CACNA2D3: variants seen among roughly 807,000 people sequenced by gnomAD.
CACNA2D3 encodes voltage-dependent calcium channel subunit alpha-2/delta-3.
A neutral mutation model predicts 160.6 loss-of-function variants in CACNA2D3; 60 were observed. The observed-to-expected ratio is 0.37, with a 90% CI of 0.30 to 0.46. The LOEUF is 0.46. Ranked by LOEUF, CACNA2D3 falls within the 20% of genes least tolerant of loss-of-function variation. The probability of loss-of-function intolerance (pLI) is 1.00; values close to 1 mark genes in which losing one functional copy is unlikely to be tolerated. For missense variants in CACNA2D3, 1,205 were observed against 1,365.0 expected (o/e 0.88, Z 1.85); for synonymous variants, 558 against 492.9 (o/e 1.13, Z -1.75).
chr3:54,167,934 T>G (rs1468861894), intron 2 of CACNA2D3, among the ~76,000 whole-genome samples: 3 of 152,232 alleles, frequency 2.0e-5, no homozygotes, highest in Non-Finnish European at 4.4e-5. Flanking sequence ...GCTTTTGCTT[T>G]TCTTCTCCAT....
intron 17 of CACNA2D3, among the ~76,000 whole-genome samples, chr3:54,865,001 G>C: frequency 6.6e-6 from 1 of 152,230 alleles, no homozygotes; most frequent in East Asian, 1.9e-4. Context: ...CCTGGCACCA[G>C]AAACATTCAC....
intron 35 of CACNA2D3, among the ~76,000 whole-genome samples, chr3:55,037,291 A>G (rs1215106297): frequency 6.6e-6 from 1 of 152,188 alleles, no homozygotes; most frequent in Non-Finnish European, 1.5e-5. Flanking sequence ...CGATTAGGAG[A>G]TGTGGTTAAA....
chr3:55,067,967 C>G (rs1704702481), intron 35 of CACNA2D3, among the ~76,000 whole-genome samples: 1 of 152,156 alleles, frequency 6.6e-6, no homozygotes, highest in African/African-American at 2.4e-5. Flanking sequence ...GATCTCCCTC[C>G]CTGTAACCTG....
In CACNA2D3 at chr3:54,420,612, A is replaced by G. The variant is rs531796826; in HGVS notation, c.381+33838A>G. ...CTCAGATTCACAAGGTGTGCCTTAC[A>G]CTTTAGACTGTTAGGCAGCATTTGG... On this transcript the variant is annotated intron_variant, in intron 4 of 37. Coordinates refer to ENST00000474759, the MANE Select transcript of CACNA2D3 (RefSeq NM_018398.3). Among the ~76,000 whole-genome samples, 10 of 152,276 alleles carry G rather than the reference A, an allele frequency of 6.6e-5. No homozygotes were observed. In the South Asian group the frequency reaches 1.9e-3, roughly 28 times the overall value.
rs117549248 is a variant in CACNA2D3 at position 54,386,982 on chromosome 3, C to T, written c.381+208C>T. ...GTTATAATGGGTGATGTCAAACACT[C>T]ACATGTGTGTAATCAGATTTCAATA... On this transcript the variant is annotated intron_variant, in intron 4 of 37. Coordinates refer to ENST00000474759, the MANE Select transcript of CACNA2D3 (RefSeq NM_018398.3). Among the ~76,000 whole-genome samples, 57 of 152,306 alleles carry T rather than the reference C, an allele frequency of 3.7e-4. No homozygotes were observed. The East Asian group carries it at 8.3e-3, about 22-fold the overall frequency.
chr3:54,255,795 G>A (rs1414807737), intron 2 of CACNA2D3, among the ~76,000 whole-genome samples: 6 of 151,992 alleles, frequency 3.9e-5, no homozygotes, highest in African/African-American at 7.3e-5. Context: ...CTACTGCCAC[G>A]TACTCTGGGA....
intron 24 of CACNA2D3, among the ~76,000 whole-genome samples, chr3:54,889,733 T>C (rs189284846): frequency 6.6e-6 from 1 of 152,262 alleles, no homozygotes; most frequent in Non-Finnish European, 1.5e-5. Flanking sequence ...ATTAGGGGTG[T>C]CTTTGAACTG....
At chr3:54,854,653 C>A (rs997423434) in intron 17 of CACNA2D3, among the ~76,000 whole-genome samples, 3 of 152,134 alleles carry the variant, frequency 2.0e-5, no homozygotes. Context: ...TGCTGAGAGC[C>A]CTGGGTGCCT....
chr3:54,620,971 G>A (rs1269977926), intron 9 of CACNA2D3, among the ~76,000 whole-genome samples: 1 of 152,238 alleles, frequency 6.6e-6, no homozygotes, highest in Admixed American at 6.5e-5. Context: ...TTGGTGACGT[G>A]ACTTCTGAAG....
intron 27 of CACNA2D3, among the ~76,000 whole-genome samples, chr3:54,919,909 T>G (rs1700786510): frequency 6.6e-6 from 1 of 152,196 alleles, no homozygotes; most frequent in Admixed American, 6.5e-5. Flanking sequence ...CTACACTCGC[T>G]GCCTCGCCAC....
intron 14 of CACNA2D3, 28 bp from the exon 15 acceptor site, chr3:54,837,131 C>T (rs377280494): frequency 3.2e-5 from 52 of 1,608,990 alleles, no homozygotes; most frequent in African/African-American, 3.1e-4. Context: ...GACCGTTCCC[C>T]GGTAACTGGC....
intron 10 of CACNA2D3, among the ~76,000 whole-genome samples, chr3:54,640,952 G>A: frequency 6.6e-6 from 1 of 151,930 alleles, no homozygotes; most frequent in East Asian, 1.9e-4. Flanking sequence ...CATACCTGAA[G>A]GTAAGAGAGG....
rs151296286 is a variant in CACNA2D3 at position 55,008,593 on chromosome 3, CCT to C, written c.2819+752_2819+753del. ...TCACTGTCCTCTTAACTTAATGTAA[CCT>C]ATATTAATTTAATAAAGTTTGTGAA... On this transcript the variant is annotated intron_variant, in intron 33 of 37. Coordinates refer to ENST00000474759, the MANE Select transcript of CACNA2D3 (RefSeq NM_018398.3). Among the ~76,000 whole-genome samples the C allele has an allele frequency of 7.4e-3, 1,125 of 152,018 alleles. 13 individuals carry two copies. The highest frequency in any genetic ancestry group is 0.026 in the African/African-American group (1,079 of 41,448).
chr3:54,379,138 G>C (rs922617618), intron 3 of CACNA2D3, among the ~76,000 whole-genome samples: 32 of 152,134 alleles, frequency 2.1e-4, no homozygotes, highest in Admixed American at 2.1e-3. Flanking sequence ...TGCACGATGT[G>C]TTTTCTCTAT....
In CACNA2D3 at chr3:54,416,958, G is replaced by A. The variant is rs75921386; in HGVS notation, c.381+30184G>A. On this transcript the variant is annotated intron_variant, in intron 4 of 37. Transcript: ENST00000474759. ...AACTCAAGTTGCCACTGTCAGGCAG[G>A]TGTCCACCCGTCTCCACAGTCCCAT... 3.2e-3 allele frequency among the ~76,000 whole-genome samples: 494 copies of A among 152,240 alleles called. 18 individuals carry two copies. The East Asian group carries it at 0.07, about 22-fold the overall frequency.
At chr3:54,461,658 C>T (rs1700507221) in intron 4 of CACNA2D3, among the ~76,000 whole-genome samples, 2 of 151,404 alleles carry the variant, frequency 1.3e-5, no homozygotes, top group Non-Finnish European at 3.0e-5. Flanking sequence ...CTATTTGATT[C>T]TTCTCTCTTT....
chr3:54,631,920 C>T (rs575162053), intron 10 of CACNA2D3, among the ~76,000 whole-genome samples: 3 of 152,230 alleles, frequency 2.0e-5, no homozygotes, highest in Non-Finnish European at 2.9e-5. Flanking sequence ...AAATAAAATT[C>T]GGTGACATTT....
At chr3:54,785,728 G>C (rs1258326057) in intron 13 of CACNA2D3, among the ~76,000 whole-genome samples, 1 of 152,146 alleles carries the variant, frequency 6.6e-6, no homozygotes. Context: ...AGACAGCCTT[G>C]GTTGGTACCA....
chr3:54,468,920 C>T (rs1457856653), intron 4 of CACNA2D3, among the ~76,000 whole-genome samples: 2 of 152,170 alleles, frequency 1.3e-5, no homozygotes, highest in Non-Finnish European at 2.9e-5. Flanking sequence ...AAGGCAGCAG[C>T]CCCGGTTAGG....
Sources: gnomAD v4.1 joint callset for allele counts (sites outside exome capture counted in the v4.1 genomes callset) on GRCh38, gnomAD v4.1.1 for gene constraint, MANE v1.5 for transcripts, NCBI Gene and HGNC (gene_info 2026-07-23, HGNC 2026-07-21) for gene names.